XPO6: variants seen among roughly 807,000 people sequenced by gnomAD.
XPO6 encodes the protein exportin-6.
In XPO6, 3 loss-of-function variants were observed where a neutral mutation model predicts 130.0. The observed-to-expected ratio is 0.02, with a 90% confidence interval of 0.01 to 0.06. The LOEUF is 0.06. XPO6 is among the 10% of genes least tolerant of loss of function. The pLI, the probability that XPO6 is intolerant of heterozygous loss-of-function variation, is 1.00. For missense variants in XPO6, 970 were observed against 1,393.0 expected (o/e 0.70, Z 4.83); for synonymous variants, 524 against 548.9 (o/e 0.95, Z 0.63).
chr16:28,181,498 G>C (rs73525050), intron 1 of XPO6, among the ~76,000 whole-genome samples: 2,503 of 146,320 alleles, frequency 0.017, 64 homozygotes, highest in African/African-American at 0.059. Flanking sequence ...CAGGGGTTTG[G>C]GGGGTAACCA....
chr16:28,193,726 A>G (rs992285574), intron 1 of XPO6, among the ~76,000 whole-genome samples: 1 of 152,120 alleles, frequency 6.6e-6, no homozygotes, highest in Non-Finnish European at 1.5e-5. Context: ...GAGAGAGAAG[A>G]TGATAACTCT....
intron 15 of XPO6, among the ~76,000 whole-genome samples, chr16:28,116,759 A>G (rs2087070918): frequency 6.6e-6 from 1 of 152,218 alleles, no homozygotes; most frequent in Non-Finnish European, 1.5e-5. Flanking sequence ...AAATAATTAC[A>G]ATAGTAACAT....
intron 13 of XPO6, among the ~76,000 whole-genome samples, chr16:28,125,115 G>A (rs2087361177): frequency 6.6e-6 from 1 of 152,214 alleles, no homozygotes; most frequent in African/African-American, 2.4e-5. Context: ...GGAAGGAGAA[G>A]AAAAGGAGCC....
At chr16:28,117,673 A>T (rs1014264335) in intron 14 of XPO6, among the ~76,000 whole-genome samples, 1 of 152,232 alleles carries the variant, frequency 6.6e-6, no homozygotes, top group African/African-American at 2.4e-5. Context: ...AGAGCACAGA[A>T]GGCAGTTAGT....
chr16:28,104,455 A>C (rs1203699086), intron 21 of XPO6, 91 bp downstream of exon 21: 1 of 1,494,392 alleles, frequency 6.7e-7, no homozygotes, highest in African/African-American at 1.4e-5. Flanking sequence ...ACTGAGCTTC[A>C]GACCCGAGAC....
chr16:28,160,503 C>CAAGAAAAAAA (rs1158204334), intron 6 of XPO6, among the ~76,000 whole-genome samples: 1 of 116,684 alleles, frequency 8.6e-6, no homozygotes, highest in African/African-American at 4.2e-5. Context: ...GACTCCATCA[C>CAAGAAAAAAA]CAAAAAAAAA....
At chr16:28,167,350 T>A (rs987792148) in intron 5 of XPO6, 6 of 985,318 alleles carry the variant, frequency 6.1e-6, no homozygotes, top group Non-Finnish European at 7.2e-6. Flanking sequence ...GGAAACAGGC[T>A]GGAAATCCTG....
Position 28,154,255 on chromosome 16 carries a change from T to TAAAAAA in XPO6, c.1098-1476_1098-1471dup, listed in dbSNP as rs11284457. On this transcript the variant is annotated intron_variant, in intron 7 of 23. Coordinates refer to ENST00000304658, the MANE Select transcript of XPO6 (RefSeq NM_015171.4). Reference sequence around the variant, plus strand: ...TGCACTCAATTCCCTACTACCCATTTAAAAAAAAAAAAAAAAAAAAAAAAG... The same window carrying TAAAAAA: ...TGCACTCAATTCCCTACTACCCATTTAAAAAAAAAAAAAAAAAAAAAAAAAAAAAAG... 6.9e-4 allele frequency: 563 copies of TAAAAAA among 811,524 alleles called. 9 individuals carry two copies. In the African/African-American group the frequency reaches 0.011, roughly 16 times the overall value. The allele number at this position is 811,524 out of a possible 1,614,324, so 50.3% of individuals were successfully genotyped here. A position where few individuals can be genotyped will look rare whatever the true frequency, so the allele number is the denominator to read the frequency against.
chr16:28,138,656 GACA>G (rs1211928268), intron 9 of XPO6, among the ~76,000 whole-genome samples: 3 of 152,050 alleles, frequency 2.0e-5, no homozygotes, highest in East Asian at 1.9e-4. Context: ...CCAACTCAAG[GACA>G]ACATCTCCCC....
chr16:28,132,347 G>A lies in XPO6; in HGVS notation c.1593C>T (p.Val531=), dbSNP rs749566979. The change falls in exon 12 of 24, where the codon GTC becomes GTT. Residue 531 remains valine, a synonymous_variant. Transcript: ENST00000304658. This position sits in a 1 kb window ranked among gnomAD's most constrained non-coding sequence, Gnocchi z 4.0. ...AAACCAGTTTACCTGACCCTGAAGT[G>A]ACTATAAACTGTTGTAATCCCAAAT... is the stretch of plus-strand genomic sequence containing the variant. The part of the protein sequence containing the change: ...EVYLGLQQFI[V]TSGSGHRLNI... 6 of 1,607,034 alleles carry A rather than the reference G, an allele frequency of 3.7e-6. No homozygotes were observed. The Admixed American group carries it at 1.0e-4, about 27-fold the overall frequency.
At chr16:28,156,858 T>A (rs2043191900) in intron 6 of XPO6, among the ~76,000 whole-genome samples, 1 of 152,140 alleles carries the variant, frequency 6.6e-6, no homozygotes, top group Non-Finnish European at 1.5e-5. Flanking sequence ...ATGGGATTAT[T>A]CTCTGGCTGC....
At chr16:28,194,512 T>A (rs552050517) in intron 1 of XPO6, among the ~76,000 whole-genome samples, 1 of 152,080 alleles carries the variant, frequency 6.6e-6, no homozygotes, top group South Asian at 2.1e-4. Flanking sequence ...GCAGACTAAA[T>A]GAGAAACTGC....
intron 8 of XPO6, 43 bp downstream of exon 8, chr16:28,152,616 T>A (rs1363262738): frequency 3.2e-6 from 5 of 1,585,276 alleles, no homozygotes; most frequent in Non-Finnish European, 4.3e-6. Context: ...AACAAGGTAA[T>A]AAACCTTTTC....
At chr16:28,177,080 C>A in intron 3 of XPO6, 140 bp downstream of exon 3, 1 of 442,600 alleles carries the variant, frequency 2.3e-6, no homozygotes, top group African/African-American at 2.0e-5. Flanking sequence ...CAGACAACTA[C>A]ATAAAGACAG....
intron 14 of XPO6, among the ~76,000 whole-genome samples, chr16:28,118,695 T>C (rs1388736059): frequency 6.6e-6 from 1 of 152,198 alleles, no homozygotes; most frequent in Non-Finnish European, 1.5e-5. Flanking sequence ...TTATTTTCAT[T>C]CAAACTGGTA....
At chr16:28,207,708 G>T (rs181154229) in intron 1 of XPO6, among the ~76,000 whole-genome samples, 88 of 152,288 alleles carry the variant, frequency 5.8e-4, no homozygotes, top group African/African-American at 2.0e-3. Flanking sequence ...AGGCTCCGGA[G>T]TACAGCACTT....
intron 1 of XPO6, among the ~76,000 whole-genome samples, chr16:28,182,699 G>A (rs1335334563): frequency 6.6e-6 from 1 of 152,124 alleles, no homozygotes; most frequent in Non-Finnish European, 1.5e-5. Flanking sequence ...AAAATAAACT[G>A]AAAAGTGAAG....
At chr16:28,201,196 CA>C in intron 1 of XPO6, among the ~76,000 whole-genome samples, 1 of 152,158 alleles carries the variant, frequency 6.6e-6, no homozygotes, top group African/African-American at 2.4e-5. Context: ...GGAAAAAATA[CA>C]GTTATCTGAG....
chr16:28,150,146 G>A (rs2043059888), intron 8 of XPO6, among the ~76,000 whole-genome samples: 1 of 152,058 alleles, frequency 6.6e-6, no homozygotes, highest in Non-Finnish European at 1.5e-5. Context: ...TCTACCTAAT[G>A]CTCAGAATCT....
Sources: allele counts gnomAD v4.1 joint callset (sites outside exome capture counted in the v4.1 genomes callset), GRCh38; gene constraint gnomAD v4.1.1; non-coding constraint Gnocchi (gnomAD v3.1); transcripts MANE v1.5; gene names NCBI Gene and HGNC (gene_info 2026-07-23, HGNC 2026-07-21).